Variants in GRK7 observed in about 807,000 individuals in gnomAD.
GRK7 encodes the protein rhodopsin kinase GRK7.
In GRK7, 24 loss-of-function variants were observed where a neutral mutation model predicts 34.1. The observed-to-expected ratio is 0.70, with a 90% confidence interval of 0.51 to 0.99. The LOEUF is 0.99. GRK7 is among the 50% of genes least tolerant of loss of function. The probability of loss-of-function intolerance (pLI) is 0.00; values close to 1 mark genes in which losing one functional copy is unlikely to be tolerated. For synonymous variants in GRK7, 256 were observed against 279.4 expected (o/e 0.92, Z 0.84); for missense variants, 644 against 707.3 (o/e 0.91, Z 1.02).
At chr3:141,793,024 C>A (rs1166240230) in intron 4 of GRK7, among the ~76,000 whole-genome samples, 1 of 152,218 alleles carries the variant, frequency 6.6e-6, no homozygotes, top group Non-Finnish European at 1.5e-5. Flanking sequence ...GTGTGGCTCA[C>A]CCCAGCTCCA....
Position 141,817,039 on chromosome 3 carries a change from T to C in GRK7, c.1651T>C (p.Leu551=), listed in dbSNP as rs1224837222. Residue 551 remains leucine (L), a synonymous_variant, in exon 6 of 6, where the codon TTG becomes CTG. Coordinates refer to ENST00000682958, the MANE Select transcript of GRK7 (RefSeq NM_139209.3). The part of the protein sequence containing the change: ...EGNSSKSGVC[L]LL ...TAATTCATCCAAGTCTGGCGTGTGT[T>C]TGTTATTGTAAATTGCTCTCTTTAC... 1 of 1,597,324 alleles carries C rather than the reference T, an allele frequency of 6.3e-7. No homozygotes were observed. Among genetic ancestry groups the C allele is most frequent in the Non-Finnish European group, 8.5e-7 (1 of 1,174,540 alleles).
chr3:141,778,157 G>A lies in GRK7; in HGVS notation c.-113-15G>A, dbSNP rs1256555206. ...GAGAAACCTCTTTCACACCCTCCAC[G>A]GGTCCCACCCACAGGCCACAGGACT... is the stretch of plus-strand genomic sequence containing the variant. On this transcript the variant is annotated splice_polypyrimidine_tract_variant and intron_variant, in intron 2 of 5. Transcript: ENST00000682958. The surrounding 1 kb of genome is among the most constrained non-coding windows in gnomAD (Gnocchi z 4.1). The A allele has an allele frequency of 2.5e-6, 3 of 1,190,976 alleles. No individual in the cohort carries two copies. The highest frequency in any genetic ancestry group is 2.4e-5 in the Admixed American group (1 of 41,568). The allele number at this position is 1,190,976 out of a possible 1,614,324, so 73.8% of individuals were successfully genotyped here.
intron 5 of GRK7, among the ~76,000 whole-genome samples, chr3:141,815,539 A>T (rs1272448490): frequency 6.6e-6 from 1 of 152,104 alleles, no homozygotes; most frequent in Non-Finnish European, 1.5e-5. Flanking sequence ...AGCCCCTAAG[A>T]TGGCTCCCAA....
chr3:141,767,011 A>G (rs1317513260), intron 1 of GRK7, among the ~76,000 whole-genome samples: 1 of 152,252 alleles, frequency 6.6e-6, no homozygotes, highest in African/African-American at 2.4e-5. Flanking sequence ...TGTTATGAGA[A>G]TGCAGTCATT....
chr3:141,762,658 C>T (rs1297189760), upstream of GRK7, among the ~76,000 whole-genome samples: 14 of 151,846 alleles, frequency 9.2e-5, no homozygotes, highest in Admixed American at 4.6e-4. Context: ...TGGAGCTTCC[C>T]GGCTGCTTTG....
At chr3:141,783,870 G>A (rs1254573164) in intron 4 of GRK7, among the ~76,000 whole-genome samples, 1 of 152,146 alleles carries the variant, frequency 6.6e-6, no homozygotes, top group Non-Finnish European at 1.5e-5. Flanking sequence ...AGGCCAGGGA[G>A]GTGACAGAGT....
the GRK7 span, among the ~76,000 whole-genome samples, chr3:141,757,126 C>CTTTTTTTTTTT: frequency 2.3e-4 from 21 of 92,622 alleles, no homozygotes; most frequent in Admixed American, 7.2e-4. Flanking sequence ...CTTAGATCTT[C>CTTTTTTTTTTT]TTCTTTTTTT....
At chr3:141,779,025 C>A in intron 3 of GRK7, 129 bp downstream of exon 3, 3 of 885,914 alleles carry the variant, frequency 3.4e-6, no homozygotes, top group Non-Finnish European at 3.4e-6. Flanking sequence ...GGATTTCTAG[C>A]CCCGTCTCCC....
At chr3:141,786,959 G>A (rs1421261148) in intron 4 of GRK7, among the ~76,000 whole-genome samples, 1 of 152,114 alleles carries the variant, frequency 6.6e-6, no homozygotes, top group Non-Finnish European at 1.5e-5. Flanking sequence ...AGATGGAGGA[G>A]CAAGGTGTGT....
At chr3:141,781,410 G>A (rs189594626) in intron 4 of GRK7, among the ~76,000 whole-genome samples, 6 of 151,786 alleles carry the variant, frequency 4.0e-5, no homozygotes, top group East Asian at 3.9e-4. Context: ...GGTGACAGGC[G>A]CCTGTAATCC....
At chr3:141,782,951 T>C (rs1337383946) in intron 4 of GRK7, among the ~76,000 whole-genome samples, 2 of 152,204 alleles carry the variant, frequency 1.3e-5, no homozygotes, top group Non-Finnish European at 2.9e-5. Context: ...TTATTTTTCT[T>C]ATGTAACAGG....
rs180785553 is a variant in GRK7 at position 141,817,719 on chromosome 3, T to C, written c.*669T>C. On this transcript the variant is annotated 3_prime_UTR_variant, in exon 6 of 6. Coordinates refer to ENST00000682958, the MANE Select transcript of GRK7 (RefSeq NM_139209.3). The stretch of plus-strand genomic sequence containing the variant: ...AAATTTAGTTGAGTCCTTTAAGTAA[T>C]ATGGTACAAATTGCTTCAACTTGCA... 11 of 152,348 alleles carry C rather than the reference T, an allele frequency of 7.2e-5. No homozygotes were observed. The highest frequency in any genetic ancestry group is 5.9e-4 in the Admixed American group (9 of 15,296). The allele number at this position is 152,348 out of a possible 1,614,324, so 9.4% of individuals were successfully genotyped here.
At position 141,818,139 on chromosome 3, in the gene GRK7, C is replaced by G. The variant is rs902752620; in HGVS notation, c.*1089C>G. The G allele has an allele frequency of 1.3e-5, 2 of 152,146 alleles. No homozygotes were observed. Among genetic ancestry groups the G allele is most frequent in the African/African-American group, 4.8e-5 (2 of 41,422 alleles). The allele number at this position is 152,146 out of a possible 1,614,324, so 9.4% of individuals were successfully genotyped here. A position where few individuals can be genotyped will look rare whatever the true frequency, so the allele number is the denominator to read the frequency against. ...GTTTCTCACACGTATCTTGGGAGCT[C>G]GGTCTCTTGGCTATTTCAAGTCCTG... On this transcript the variant is annotated 3_prime_UTR_variant, in exon 6 of 6. Coordinates refer to ENST00000682958, the MANE Select transcript of GRK7 (RefSeq NM_139209.3).
chr3:141,791,990 C>T (rs1381260252), intron 4 of GRK7, among the ~76,000 whole-genome samples: 6 of 120,920 alleles, frequency 5.0e-5, no homozygotes, highest in South Asian at 2.6e-4. Context: ...GGAGACAGAG[C>T]GAGACTCCAT....
At chr3:141,806,342 C>T (rs984498936) in intron 4 of GRK7, among the ~76,000 whole-genome samples, 4 of 152,070 alleles carry the variant, frequency 2.6e-5, no homozygotes, top group African/African-American at 9.7e-5. Context: ...GCGGGAGGAT[C>T]ACTTGAGGTC....
intron 3 of GRK7, among the ~76,000 whole-genome samples, chr3:141,779,423 A>AAG (rs1553735437): frequency 1.3e-5 from 2 of 150,532 alleles, no homozygotes; most frequent in African/African-American, 4.9e-5. Flanking sequence ...AAAAAAAAAA[A>AAG]AAAGAAAGAA....
chr3:141,799,206 A>G (rs1384569205), intron 4 of GRK7, among the ~76,000 whole-genome samples: 1 of 152,170 alleles, frequency 6.6e-6, no homozygotes, highest in Non-Finnish European at 1.5e-5. Flanking sequence ...GCAAATGGGG[A>G]GAGGGAAGAA....
chr3:141,801,400 G>C (rs1336829429), intron 4 of GRK7, among the ~76,000 whole-genome samples: 17 of 150,796 alleles, frequency 1.1e-4, no homozygotes, highest in Admixed American at 1.1e-3. Context: ...AAATCTGACT[G>C]TGGGAAACTA....
At chr3:141,780,971 A>T (rs781219328) in intron 4 of GRK7, among the ~76,000 whole-genome samples, 160 bp downstream of exon 4, 22 of 152,110 alleles carry the variant, frequency 1.4e-4, no homozygotes, top group Non-Finnish European at 2.9e-4. Context: ...TGAGTGGTGT[A>T]AGAGGATTAG....
Sources: allele counts gnomAD v4.1 joint callset (sites outside exome capture counted in the v4.1 genomes callset), GRCh38; gene constraint gnomAD v4.1.1; non-coding constraint Gnocchi (gnomAD v3.1); transcripts MANE v1.5; gene names NCBI Gene and HGNC (gene_info 2026-07-23, HGNC 2026-07-21).